CACNA2D3: variants seen among roughly 807,000 people sequenced by gnomAD.
CACNA2D3 encodes voltage-dependent calcium channel subunit alpha-2/delta-3.
Under a neutral mutation model 160.6 loss-of-function variants are expected in CACNA2D3, and 60 were observed. The observed-to-expected ratio is 0.37, with a 90% CI of 0.30 to 0.46. The LOEUF (loss-of-function observed/expected upper bound fraction) is 0.46, where lower values mean the gene tolerates loss of function less well. CACNA2D3 is among the 20% of genes least tolerant of loss of function. The probability of loss-of-function intolerance (pLI) is 1.00; values close to 1 mark genes in which losing one functional copy is unlikely to be tolerated. For synonymous variants in CACNA2D3, 558 were observed against 492.9 expected (o/e 1.13, Z -1.75); for missense variants, 1,205 against 1,365.0 (o/e 0.88, Z 1.85).
At chr3:54,838,475 C>A in intron 15 of CACNA2D3, 93 bp from the exon 16 acceptor site, 1 of 982,590 alleles carries the variant, frequency 1.0e-6, no homozygotes, top group Non-Finnish European at 1.6e-6. Context: ...TTGGGGAAGG[C>A]ACCAGGCAGA....
intron 13 of CACNA2D3, among the ~76,000 whole-genome samples, chr3:54,792,984 T>A (rs1384484507): frequency 6.6e-6 from 1 of 152,182 alleles, no homozygotes; most frequent in East Asian, 1.9e-4. Flanking sequence ...TCCTTTTAGA[T>A]AGAACAGCCT....
At chr3:55,049,687 G>A (rs187195) in intron 35 of CACNA2D3, among the ~76,000 whole-genome samples, 56,566 of 137,246 alleles carry the variant, frequency 0.41, 13,931 homozygotes, top group African/African-American at 0.69. Context: ...TGATCTGTCT[G>A]ATATTGACAG....
At chr3:54,997,554 C>G (rs1702886043) in intron 31 of CACNA2D3, among the ~76,000 whole-genome samples, 1 of 150,368 alleles carries the variant, frequency 6.7e-6, no homozygotes, top group Non-Finnish European at 1.5e-5. Flanking sequence ...CTACCCACCC[C>G]CACCCAAAAA....
At chr3:54,436,728 A>G (rs944735354) in intron 4 of CACNA2D3, among the ~76,000 whole-genome samples, 6 of 152,184 alleles carry the variant, frequency 3.9e-5, no homozygotes, top group African/African-American at 9.6e-5. Flanking sequence ...GAGTTGAACA[A>G]TGAGAATACA....
chr3:54,630,183 C>G (rs1186618595), intron 10 of CACNA2D3, among the ~76,000 whole-genome samples: 1 of 152,098 alleles, frequency 6.6e-6, no homozygotes, highest in Non-Finnish European at 1.5e-5. Flanking sequence ...GGACCTGGCT[C>G]CCTTTCAGCA....
At chr3:54,804,307 A>G (rs1395938708) in intron 13 of CACNA2D3, among the ~76,000 whole-genome samples, 1 of 151,990 alleles carries the variant, frequency 6.6e-6, no homozygotes, top group Non-Finnish European at 1.5e-5. Flanking sequence ...TATTCAGGAA[A>G]CCCATCTCAC....
chr3:54,251,618 A>T (rs1365988564), intron 2 of CACNA2D3, among the ~76,000 whole-genome samples: 1 of 152,228 alleles, frequency 6.6e-6, no homozygotes, highest in Non-Finnish European at 1.5e-5. Flanking sequence ...CTTCTCCTCT[A>T]TACCAATTCC....
At chr3:54,770,359 C>T (rs1278293498) in intron 13 of CACNA2D3, among the ~76,000 whole-genome samples, 1 of 152,020 alleles carries the variant, frequency 6.6e-6, no homozygotes, top group Non-Finnish European at 1.5e-5. Flanking sequence ...TTTGATGAAT[C>T]CGATTTTTCC....
At chr3:54,924,543 C>G in intron 27 of CACNA2D3, 1 of 1,221,676 alleles carries the variant, frequency 8.2e-7, no homozygotes, top group African/African-American at 1.5e-5. Context: ...CACATTCTTT[C>G]TAATGCAGAG....
chr3:54,797,614 A>G (rs137939864), intron 13 of CACNA2D3, among the ~76,000 whole-genome samples: 363 of 152,238 alleles, frequency 2.4e-3, no homozygotes, highest in African/African-American at 8.3e-3. Context: ...TTCTTTTTGA[A>G]CTTTTTTAAC....
chr3:54,767,475 G>A (rs1338548294), intron 13 of CACNA2D3, among the ~76,000 whole-genome samples: 1 of 152,080 alleles, frequency 6.6e-6, no homozygotes, highest in African/African-American at 2.4e-5. Flanking sequence ...GCTGAAGACA[G>A]GGGATCTGCC....
At chr3:54,331,377 A>T (rs990656666) in intron 3 of CACNA2D3, among the ~76,000 whole-genome samples, 1 of 152,158 alleles carries the variant, frequency 6.6e-6, no homozygotes, top group African/African-American at 2.4e-5. Flanking sequence ...AGGAACATTG[A>T]GTTTGCAACC....
At chr3:54,735,901 G>A (rs1701488241) in intron 11 of CACNA2D3, among the ~76,000 whole-genome samples, 1 of 143,394 alleles carries the variant, frequency 7.0e-6, no homozygotes, top group Admixed American at 7.0e-5. Flanking sequence ...AAAGAAACAG[G>A]GATCACTTGT....
At chr3:54,537,173 G>A (rs1247159060) in intron 5 of CACNA2D3, among the ~76,000 whole-genome samples, 1 of 152,042 alleles carries the variant, frequency 6.6e-6, no homozygotes, top group Admixed American at 6.6e-5. Flanking sequence ...GCAGAGGATT[G>A]CAGGCATGTT....
rs1465294752 is a variant in CACNA2D3 at position 54,397,733 on chromosome 3, C to A, written c.381+10959C>A. Among the ~76,000 whole-genome samples, 55 of 28,502 alleles carry A rather than the reference C, an allele frequency of 1.9e-3. 1 individual carries two copies. The highest frequency in any genetic ancestry group is 2.9e-3 in the Non-Finnish European group (47 of 16,256). The allele number at this position is 28,502 out of a possible 152,430, so 18.7% of individuals were successfully genotyped here. A position where few individuals can be genotyped will look rare whatever the true frequency, so the allele number is the denominator to read the frequency against. ...ACATTTGCTGAGGAGAGCTTTACTT[C>A]CAAGTATGTGGTCAATTTTGGAATA... is the stretch of plus-strand genomic sequence containing the variant. On this transcript the variant is annotated intron_variant, in intron 4 of 37. Transcript: ENST00000474759.
At chr3:54,465,015 T>C (rs77446944) in intron 4 of CACNA2D3, among the ~76,000 whole-genome samples, 2,923 of 152,274 alleles carry the variant, frequency 0.019, 99 homozygotes, top group African/African-American at 0.067. Flanking sequence ...ATAAGTCCTG[T>C]AGGCTTTCTT....
chr3:54,736,118 T>TATACAC (rs1419747926), intron 11 of CACNA2D3, among the ~76,000 whole-genome samples: 4 of 66,970 alleles, frequency 6.0e-5, no homozygotes, highest in Non-Finnish European at 5.5e-5. Context: ...TGTATATATA[T>TATACAC]ACATATATAT....
chr3:54,759,969 C>T (rs555272906), intron 12 of CACNA2D3, among the ~76,000 whole-genome samples: 1 of 152,334 alleles, frequency 6.6e-6, no homozygotes, highest in South Asian at 2.1e-4. Flanking sequence ...CATTGTGAGG[C>T]CCACATGCAG....
intron 23 of CACNA2D3, 40 bp downstream of exon 23, chr3:54,885,626 G>A (rs753180656): frequency 1.3e-6 from 2 of 1,495,642 alleles, no homozygotes; most frequent in Non-Finnish European, 1.9e-6. Flanking sequence ...CTTCAGGGGT[G>A]ATGGTGGGGA....
Sources: allele counts gnomAD v4.1 joint callset (sites outside exome capture counted in the v4.1 genomes callset), GRCh38; gene constraint gnomAD v4.1.1; transcripts MANE v1.5; gene names NCBI Gene and HGNC (gene_info 2026-07-23, HGNC 2026-07-21).